TPH2: variants seen among roughly 807,000 people sequenced by gnomAD.
The protein encoded by TPH2 is tryptophan hydroxylase 2, also known as tryptophan 5-hydroxylase 2.
Under a neutral mutation model 59.1 loss-of-function variants are expected in TPH2, and 27 were observed. The ratio of observed to expected loss-of-function variants is 0.46; its 90% CI spans 0.34 to 0.63. TPH2 has a LOEUF of 0.63. Ranked by LOEUF, TPH2 falls within the 30% of genes least tolerant of loss-of-function variation. TPH2 has a pLI of 0.01. For synonymous variants in TPH2, 220 were observed against 210.5 expected, an observed-to-expected ratio of 1.05 and a Z score of -0.39; for missense variants, 523 against 588.3, an observed-to-expected ratio of 0.89 and a Z score of 1.15.
At chr12:72,004,717 C>A (rs1872907722) in intron 8 of TPH2, among the ~76,000 whole-genome samples, 1 of 152,050 alleles carries the variant, frequency 6.6e-6, no homozygotes, top group African/African-American at 2.4e-5. Context: ...CCATTTCTAG[C>A]AAAAGCAGAA....
At chr12:71,964,543 T>A in intron 5 of TPH2, 1 of 984,922 alleles carries the variant, frequency 1.0e-6, no homozygotes, top group Non-Finnish European at 1.2e-6. Flanking sequence ...GCATAAGCCA[T>A]CTTCTTGAAT....
intron 8 of TPH2, among the ~76,000 whole-genome samples, chr12:72,014,869 A>G (rs1873199195): frequency 6.6e-6 from 1 of 152,208 alleles, no homozygotes; most frequent in Non-Finnish European, 1.5e-5. Context: ...ATGTTGGGAT[A>G]GATATTTCAG....
intron 8 of TPH2, among the ~76,000 whole-genome samples, chr12:72,004,816 T>C (rs1457710172): frequency 6.6e-6 from 1 of 152,156 alleles, no homozygotes; most frequent in African/African-American, 2.4e-5. Flanking sequence ...ATTCCACAAA[T>C]GTAGTTTTCA....
intron 8 of TPH2, among the ~76,000 whole-genome samples, chr12:72,015,599 G>T (rs184171682): frequency 6.6e-6 from 1 of 152,220 alleles, no homozygotes; most frequent in East Asian, 1.9e-4. Flanking sequence ...GATTACAGAC[G>T]TGAGCCACCG....
In TPH2 at chr12:71,944,448, C is replaced by G. The variant is rs1466816439; in HGVS notation, c.410C>G (p.Pro137Arg). ...KFQTTIVTLNPPENIWTEEEE... is the reference protein window; with the variant it reads ...KFQTTIVTLNRPENIWTEEEE... The stretch of plus-strand genomic sequence containing the variant: ...CAAACCACTATTGTGACGCTGAATC[C>G]TCCAGAGAACATTTGGACAGAGGAA... The change falls in exon 3 of 11, where the codon CCT (proline) becomes CGT (arginine). Residue 137 changes from proline (P) to arginine (R), a missense_variant. Coordinates refer to ENST00000333850, the MANE Select transcript of TPH2 (RefSeq NM_173353.4). 5 of 1,613,936 alleles carry G rather than the reference C, an allele frequency of 3.1e-6. No homozygotes were observed. Among genetic ancestry groups the G allele is most frequent in the Non-Finnish European group, 4.2e-6 (5 of 1,179,864 alleles).
At chr12:72,013,668 AT>A (rs1873159361) in intron 8 of TPH2, among the ~76,000 whole-genome samples, 1 of 152,258 alleles carries the variant, frequency 6.6e-6, no homozygotes, top group Non-Finnish European at 1.5e-5. Flanking sequence ...GAGATTTATT[AT>A]TATCATTAGT....
At chr12:72,000,707 TATC>T (rs1472694796) in intron 8 of TPH2, among the ~76,000 whole-genome samples, 2 of 152,216 alleles carry the variant, frequency 1.3e-5, no homozygotes, top group African/African-American at 4.8e-5. Flanking sequence ...ACCAGATAAA[TATC>T]ATGCAGTATG....
At chr12:71,960,356 A>G (rs1040073542) in intron 5 of TPH2, among the ~76,000 whole-genome samples, 34 of 152,334 alleles carry the variant, frequency 2.2e-4, no homozygotes, top group Admixed American at 7.2e-4. Context: ...AACAAGACCA[A>G]TAGAATTAAG....
chr12:71,988,221 C>T (rs1189424269), intron 7 of TPH2, among the ~76,000 whole-genome samples: 1 of 152,136 alleles, frequency 6.6e-6, no homozygotes, highest in Non-Finnish European at 1.5e-5. Context: ...TTCTTAATTA[C>T]ACTGAACTTG....
chr12:71,987,869 A>C (rs1872482951), intron 7 of TPH2, among the ~76,000 whole-genome samples: 1 of 152,216 alleles, frequency 6.6e-6, no homozygotes, highest in Non-Finnish European at 1.5e-5. Context: ...AGAAAAAATA[A>C]TATAAGAGAG....
chr12:72,014,421 C>T (rs2139238128), intron 8 of TPH2, among the ~76,000 whole-genome samples: 2 of 150,360 alleles, frequency 1.3e-5, no homozygotes, highest in East Asian at 3.9e-4. Flanking sequence ...GAAGGAGTCC[C>T]ACTCCCTCAC....
rs550724411 is a variant in TPH2 at position 72,029,024 on chromosome 12, A to G, written c.1165-2234A>G. Among the ~76,000 whole-genome samples the G allele has an allele frequency of 3.9e-5, 6 of 152,284 alleles. 1 individual carries two copies. The highest frequency in any genetic ancestry group is 1.4e-4 in the African/African-American group (6 of 41,558). ...AATACGTATCTGGCTATCCAGTGGA[A>G]TTGTCACAAAATGATATTTTTTCCA... is the stretch of plus-strand genomic sequence containing the variant. On this transcript the variant is annotated intron_variant, in intron 9 of 10. Coordinates refer to ENST00000333850, the MANE Select transcript of TPH2 (RefSeq NM_173353.4).
chr12:71,976,258 C>T (rs990710767), intron 6 of TPH2, among the ~76,000 whole-genome samples: 3 of 152,200 alleles, frequency 2.0e-5, no homozygotes, highest in African/African-American at 7.2e-5. Flanking sequence ...ACACATTAAG[C>T]ATAGCAGAGT....
intron 8 of TPH2, among the ~76,000 whole-genome samples, chr12:71,999,396 G>C (rs562249241): frequency 2.0e-5 from 3 of 152,274 alleles, no homozygotes; most frequent in African/African-American, 7.2e-5. Flanking sequence ...CCCTCTGGTG[G>C]ATAATAAATA....
chr12:72,031,608 T>A lies in TPH2; in HGVS notation c.1386T>A (p.Ser462Arg), dbSNP rs1406880601. ...QSIEILKDTR[S>R]IENVVQDLRS... is the part of the protein sequence containing the mutation. ...TTGAAATTCTGAAAGACACCAGAAG[T>A]ATTGAAAATGTGGTGCAGGACCTTC... is the stretch of plus-strand genomic sequence containing the variant. Residue 462 changes from serine to arginine, a missense_variant, in exon 11 of 11, where the codon AGT becomes AGA. By Grantham distance (110) the Ser-to-Arg change is moderately radical. Transcript: ENST00000333850. The A allele has an allele frequency of 6.2e-7, 1 of 1,613,556 alleles. No homozygotes were observed. Among genetic ancestry groups the A allele is most frequent in the Non-Finnish European group, 8.5e-7 (1 of 1,179,652 alleles).
intron 9 of TPH2, among the ~76,000 whole-genome samples, chr12:72,025,237 T>C (rs1188866845): frequency 6.6e-6 from 1 of 152,208 alleles, no homozygotes; most frequent in Non-Finnish European, 1.5e-5. Flanking sequence ...TTTATGCTGT[T>C]CCAACTGCAG....
intron 5 of TPH2, among the ~76,000 whole-genome samples, chr12:71,949,882 C>T (rs56246463): frequency 0.021 from 3,260 of 152,218 alleles, 100 homozygotes; most frequent in African/African-American, 0.069. Context: ...GCTACGTTTA[C>T]ACCATTGTTT....
intron 5 of TPH2, chr12:71,962,162 G>A (rs1185162428): frequency 4.1e-6 from 4 of 986,632 alleles, no homozygotes; most frequent in Admixed American, 6.0e-5. Context: ...ATGAGTCCCC[G>A]TCAAGCCACG....
chr12:71,983,487 A>G (rs770525598), intron 7 of TPH2, among the ~76,000 whole-genome samples: 6 of 152,170 alleles, frequency 3.9e-5, no homozygotes, highest in Non-Finnish European at 8.8e-5. Context: ...TTATGTAGGC[A>G]TGTGAGCGTC....
Sources: gnomAD v4.1 joint callset for allele counts (sites outside exome capture counted in the v4.1 genomes callset) on GRCh38, gnomAD v4.1.1 for gene constraint, MANE v1.5 for transcripts, NCBI Gene and HGNC (gene_info 2026-07-23, HGNC 2026-07-21) for gene names.